The following GRAMD1C variants were observed in gnomAD, a reference collection of about 807,000 sequenced individuals.
GRAMD1C encodes the protein GRAM domain containing 1C, also known as protein Aster-C.
GRAMD1C carries 89 observed loss-of-function variants against 97.8 expected under a neutral mutation model. The ratio of observed to expected loss-of-function variants is 0.91; its 90% CI spans 0.77 to 1.09. The LOEUF is 1.09. Ranked by LOEUF, GRAMD1C falls within the 50% of genes least tolerant of loss-of-function variation. The probability of loss-of-function intolerance (pLI) is 0.00; values close to 1 mark genes in which losing one functional copy is unlikely to be tolerated. For synonymous variants in GRAMD1C, 256 were observed against 267.0 expected (o/e 0.96, Z 0.40); for missense variants, 740 against 766.4 (o/e 0.97, Z 0.41).
At chr3:113,847,261 A>G (rs1933652371) in intron 2 of GRAMD1C, among the ~76,000 whole-genome samples, 1 of 152,214 alleles carries the variant, frequency 6.6e-6, no homozygotes, top group Admixed American at 6.5e-5. Context: ...AAGTTTGTTC[A>G]AAACATTACA....
upstream of GRAMD1C, chr3:113,838,745 C>T: frequency 2.5e-6 from 1 of 399,686 alleles, no homozygotes; most frequent in Non-Finnish European, 4.3e-6. Context: ...CGTCAGGAAT[C>T]CTTCACGGCC....
In GRAMD1C at chr3:113,945,610, ATTTC is replaced by A. The variant is rs894365314; in HGVS notation, c.*137_*140del. 18 of 586,552 alleles carry A rather than the reference ATTTC, an allele frequency of 3.1e-5. No homozygotes were observed. Among genetic ancestry groups the A allele is most frequent in the African/African-American group, 3.1e-4 (16 of 52,142 alleles). The allele number at this position is 586,552 out of a possible 1,614,324, so 36.3% of individuals were successfully genotyped here. ...CATTATTGAGATTTCTAATATGAAC[ATTTC>A]TTTCAGTAACATTTATTTGATAATT... On this transcript the variant is annotated 3_prime_UTR_variant, in exon 18 of 18. Transcript: ENST00000358160.
chr3:113,894,247 T>C (rs556969657), intron 6 of GRAMD1C, among the ~76,000 whole-genome samples: 71 of 152,272 alleles, frequency 4.7e-4, no homozygotes, highest in African/African-American at 1.6e-3. Context: ...TATTATAATA[T>C]AGGCAGGATG....
At chr3:113,854,597 A>G (rs1228373534) in intron 2 of GRAMD1C, among the ~76,000 whole-genome samples, 1 of 152,182 alleles carries the variant, frequency 6.6e-6, no homozygotes, top group Non-Finnish European at 1.5e-5. Flanking sequence ...CAAAAACCTG[A>G]CTAAAGTGCC....
At chr3:113,941,965 G>A (rs1937810601) in intron 17 of GRAMD1C, among the ~76,000 whole-genome samples, 1 of 150,102 alleles carries the variant, frequency 6.7e-6, no homozygotes, top group Admixed American at 6.6e-5. Flanking sequence ...CACCCAACTG[G>A]AGTGCAGTGG....
intron 2 of GRAMD1C, among the ~76,000 whole-genome samples, chr3:113,864,384 G>A (rs1934506030): frequency 6.6e-6 from 1 of 152,124 alleles, no homozygotes; most frequent in African/African-American, 2.4e-5. Flanking sequence ...AAATTGCTGG[G>A]ATTACAGACA....
intron 2 of GRAMD1C, among the ~76,000 whole-genome samples, chr3:113,868,610 G>A (rs1179828704): frequency 6.6e-6 from 1 of 152,114 alleles, no homozygotes; most frequent in Admixed American, 6.6e-5. Context: ...AGCCAATGAT[G>A]TACTCAATGT....
chr3:113,899,853 TTATTAAAG>T (rs1390821173), intron 6 of GRAMD1C, among the ~76,000 whole-genome samples: 3 of 152,214 alleles, frequency 2.0e-5, no homozygotes, highest in Admixed American at 6.5e-5. Flanking sequence ...AAGCTGGACT[TTATTAAAG>T]ATAAATCAAA....
chr3:113,879,216 A>G (rs1164971455), intron 5 of GRAMD1C, among the ~76,000 whole-genome samples: 1 of 142,688 alleles, frequency 7.0e-6, no homozygotes, highest in Non-Finnish European at 1.5e-5. Flanking sequence ...AAAAAAAAAA[A>G]CCAAAAAACA....
intron 10 of GRAMD1C, 48 bp from the exon 11 acceptor site, chr3:113,930,666 A>G: frequency 2.1e-6 from 2 of 951,590 alleles, no homozygotes; most frequent in Non-Finnish European, 3.4e-6. Context: ...TTAATGTCAT[A>G]CTGTTTAAGT....
At chr3:113,901,951 A>G (rs1936185859) in intron 7 of GRAMD1C, among the ~76,000 whole-genome samples, 1 of 150,668 alleles carries the variant, frequency 6.6e-6, no homozygotes, top group African/African-American at 2.4e-5. Flanking sequence ...GGTAGTTGCC[A>G]GGAGCTGATA....
At chr3:113,850,489 A>G in intron 2 of GRAMD1C, 1 of 1,527,242 alleles carries the variant, frequency 6.5e-7, no homozygotes, top group South Asian at 1.1e-5. Flanking sequence ...AGATGAAGAT[A>G]ATCATGGAGA....
Position 113,936,249 on chromosome 3 carries a change from G to GTT in GRAMD1C, c.1457-7_1457-6dup, listed in dbSNP as rs751275498. 395 of 1,170,962 alleles carry GTT rather than the reference G, an allele frequency of 3.4e-4. No homozygotes were observed. The highest frequency in any genetic ancestry group is 5.4e-4 in the Admixed American group (24 of 44,434). 72.5% of individuals were successfully genotyped at this position (1,170,962 alleles called of 1,614,324 possible). A position where few individuals can be genotyped will look rare whatever the true frequency, so the allele number is the denominator to read the frequency against. ...GAGCTTTCCTCACTATATAAAGATT[G>GTT]TTTTTTTTTTTCTTAGAATCAGATT... On this transcript the variant is annotated splice_polypyrimidine_tract_variant and intron_variant, in intron 13 of 17. Coordinates refer to ENST00000358160, the MANE Select transcript of GRAMD1C (RefSeq NM_017577.5).
rs770214823 is a variant in GRAMD1C at position 113,945,442 on chromosome 3, AAATAAG to A, written c.1961_1966del (p.Asn654_Lys655del). ...TGCTTCAGAAAACGTTTGATCTACT[AAATAAG>A]AATAAGACTGGCATGGCTGTTGAAA... On this transcript the variant is annotated inframe_deletion, in exon 18 of 18. Coordinates refer to ENST00000358160, the MANE Select transcript of GRAMD1C (RefSeq NM_017577.5). 1.8e-5 allele frequency: 29 copies of A among 1,598,702 alleles called. No homozygotes were observed. The highest frequency in any genetic ancestry group is 1.4e-4 in the South Asian group (13 of 90,434).
chr3:113,887,343 TG>T (rs1448004461), intron 6 of GRAMD1C, among the ~76,000 whole-genome samples: 1 of 151,752 alleles, frequency 6.6e-6, no homozygotes, highest in Non-Finnish European at 1.5e-5. Context: ...TCACCCACCT[TG>T]GCCTCCCAAA....
At chr3:113,900,965 T>G (rs1936146443) in intron 6 of GRAMD1C, 66 bp from the exon 7 acceptor site, 1 of 845,426 alleles carries the variant, frequency 1.2e-6, no homozygotes, top group Non-Finnish European at 2.0e-6. Flanking sequence ...AAACTCATGT[T>G]TTGAATCACT....
intron 5 of GRAMD1C, among the ~76,000 whole-genome samples, 176 bp downstream of exon 5, chr3:113,876,436 C>T (rs993436363): frequency 6.6e-6 from 1 of 152,136 alleles, no homozygotes; most frequent in African/African-American, 2.4e-5. Context: ...TAAATGACTG[C>T]TGACTTTTTT....
chr3:113,938,107 A>G lies in GRAMD1C; in HGVS notation c.1655A>G (p.Asn552Ser). The change falls in exon 15 of 18, where the codon AAC becomes AGC. Residue 552 changes from asparagine (N) to serine (S), a missense_variant. Transcript: ENST00000358160. ...DITGKKKEME[N>S]YNVTLIVVMS... Reference sequence around the variant, plus strand: ...ACAGGAAAGAAAAAGGAAATGGAAAACTATAACGTCACTCTTATTGTGGTA... The same window carrying G: ...ACAGGAAAGAAAAAGGAAATGGAAAGCTATAACGTCACTCTTATTGTGGTA... 6.5e-7 allele frequency: 1 copy of G among 1,538,594 alleles called. No homozygotes were observed. Among genetic ancestry groups the G allele is most frequent in the Non-Finnish European group, 8.9e-7 (1 of 1,125,678 alleles).
intron 17 of GRAMD1C, among the ~76,000 whole-genome samples, chr3:113,942,623 G>A (rs776336992): frequency 6.6e-6 from 1 of 152,154 alleles, no homozygotes; most frequent in South Asian, 2.1e-4. Context: ...CAGAAAGGAT[G>A]GTCCCAGGAT....
Sources: allele counts gnomAD v4.1 joint callset (sites outside exome capture counted in the v4.1 genomes callset), GRCh38; gene constraint gnomAD v4.1.1; transcripts MANE v1.5; gene names NCBI Gene and HGNC (gene_info 2026-07-23, HGNC 2026-07-21).